Variants in TNS1 observed in about 807,000 individuals in gnomAD.
TNS1 encodes tensin-1.
Under a neutral mutation model 168.6 loss-of-function variants are expected in TNS1, and 62 were observed. That is an observed-to-expected ratio of 0.37 (90% CI 0.30 to 0.45). The LOEUF (loss-of-function observed/expected upper bound fraction) is 0.45, where lower values mean the gene tolerates loss of function less well. Ranked by LOEUF, TNS1 falls within the 20% of genes least tolerant of loss-of-function variation. TNS1 has a pLI of 1.00. For synonymous variants in TNS1, 934 were observed against 933.2 expected, an observed-to-expected ratio of 1.00 and a Z score of -0.02; for missense variants, 2,240 against 2,339.4, an observed-to-expected ratio of 0.96 and a Z score of 0.88.
In TNS1 at chr2:217,848,721, G is replaced by C. The variant is rs143281124; in HGVS notation, c.1796C>G (p.Pro599Arg). The stretch of plus-strand genomic sequence containing the variant: ...TGGGACAACGTGGCGTCCAGAGGAG[G>C]GCACAGCCGAGCCCCCTGCTGGGCG... The part of the protein sequence containing the change: ...RSRPAGGSAV[P>R]SSGRHVVPAQ... Residue 599 changes from proline to arginine, a missense_variant, in exon 19 of 33, where the codon CCC (proline) becomes CGC (arginine). Pro to Arg is a moderately radical substitution (Grantham distance 103, BLOSUM62 -2). Transcript: ENST00000682258. The C allele has an allele frequency of 1.2e-6, 2 of 1,614,216 alleles. 1 individual carries two copies. The highest frequency in any genetic ancestry group is 2.2e-5 in the South Asian group (2 of 91,090).
intron 3 of TNS1, among the ~76,000 whole-genome samples, chr2:217,951,508 A>G (rs546542740): frequency 6.6e-6 from 1 of 152,330 alleles, no homozygotes; most frequent in East Asian, 1.9e-4. Flanking sequence ...GTTCAGAGAC[A>G]TCAGCTATGT....
rs1941273429 is a variant in TNS1, at chr2:217,813,137, G to A, written c.4954+78C>T. The A allele has an allele frequency of 9.3e-7, 1 of 1,075,914 alleles. No homozygotes were observed. Among genetic ancestry groups the A allele is most frequent in the African/African-American group, 1.6e-5 (1 of 63,754 alleles). The allele number at this position is 1,075,914 out of a possible 1,614,324, so 66.6% of individuals were successfully genotyped here. A position where few individuals can be genotyped will look rare whatever the true frequency, so the allele number is the denominator to read the frequency against. On this transcript the variant is annotated intron_variant, in intron 27 of 32. Transcript: ENST00000682258. This position sits in a 1 kb window ranked among gnomAD's most constrained non-coding sequence, Gnocchi z 4.0. ...CAGAGCCTGTCAGAAAGAACTTGGG[G>A]TCAGACCCCTGGAGGAACCCAGGAC... is the stretch of plus-strand genomic sequence containing the variant.
chr2:217,809,404 G>C lies in TNS1; in HGVS notation c.5273+419C>G, dbSNP rs372612375. On this transcript the variant is annotated intron_variant, in intron 30 of 32. Coordinates refer to ENST00000682258, the MANE Select transcript of TNS1 (RefSeq NM_001387777.1). ...GGATGGATGGATGGATGGATGGATG[G>C]ATGGATGGATGCATGGATGGATGGA... 5.6e-3 allele frequency among the ~76,000 whole-genome samples: 346 copies of C among 61,682 alleles called. 15 individuals carry two copies. Among genetic ancestry groups the C allele is most frequent in the Middle Eastern group, 0.015 (1 of 66 alleles). The allele number at this position is 61,682 out of a possible 152,430, so 40.5% of individuals were successfully genotyped here. A position where few individuals can be genotyped will look rare whatever the true frequency, so the allele number is the denominator to read the frequency against.
intron 3 of TNS1, among the ~76,000 whole-genome samples, chr2:217,934,984 T>G (rs1956526780): frequency 6.6e-6 from 1 of 152,088 alleles, no homozygotes; most frequent in Non-Finnish European, 1.5e-5. Context: ...GCCCAAAAAG[T>G]GGAAGCAATT....
rs1227580088 is a variant in TNS1 at position 217,880,366 on chromosome 2, T to C, written c.1429+532A>G. Among the ~76,000 whole-genome samples, 1 of 152,224 alleles carries C rather than the reference T, an allele frequency of 6.6e-6. No homozygotes were observed. Among genetic ancestry groups the C allele is most frequent in the Non-Finnish European group, 1.5e-5 (1 of 68,040 alleles). ...TCAGTTTGTTCCCAGCTCTCAAACA[T>C]TTTTGTTGGCTGTTGATGAAAGCTT... On this transcript the variant is annotated intron_variant, in intron 18 of 32. Transcript: ENST00000682258. The surrounding 1 kb of genome is among the most constrained non-coding windows in gnomAD (Gnocchi z 4.2).
At chr2:217,961,388 C>T (rs1349633241) in intron 3 of TNS1, among the ~76,000 whole-genome samples, 1 of 152,116 alleles carries the variant, frequency 6.6e-6, no homozygotes, top group Non-Finnish European at 1.5e-5. Context: ...TTGGTCGGCA[C>T]CACCTTAGCC....
At chr2:217,860,622 C>G (rs1204398972) in intron 18 of TNS1, among the ~76,000 whole-genome samples, 2 of 152,140 alleles carry the variant, frequency 1.3e-5, no homozygotes, top group East Asian at 3.9e-4. Flanking sequence ...TTGCACGCAA[C>G]CTTCATGTTT....
At chr2:217,886,445 G>A in intron 13 of TNS1, 89 bp downstream of exon 13, 1 of 1,080,894 alleles carries the variant, frequency 9.3e-7, no homozygotes, top group Non-Finnish European at 1.4e-6. Flanking sequence ...CGGGCTGTCT[G>A]TTACTACCCA....
intron 4 of TNS1, among the ~76,000 whole-genome samples, chr2:217,912,410 G>A (rs957873002): frequency 1.3e-5 from 2 of 151,572 alleles, no homozygotes; most frequent in Admixed American, 6.6e-5. Flanking sequence ...CAACTCTCCC[G>A]ACTCTTGCCC....
In TNS1 at chr2:217,805,725, A is replaced by AT. The variant is rs1938831936; in HGVS notation, c.5376-1123_5376-1122insA. ...CACATGCATACACCACACACACACC[A>AT]CTGCACACACCACACATACCACCAC... On this transcript the variant is annotated intron_variant, in intron 32 of 32. Coordinates refer to ENST00000682258, the MANE Select transcript of TNS1 (RefSeq NM_001387777.1). Among the ~76,000 whole-genome samples, 3 of 73,522 alleles carry AT rather than the reference A, an allele frequency of 4.1e-5. No individual in the cohort carries two copies. In the Admixed American group the frequency reaches 4.1e-4, roughly 10 times the overall value. The allele number at this position is 73,522 out of a possible 152,430, so 48.2% of individuals were successfully genotyped here. A position where few individuals can be genotyped will look rare whatever the true frequency, so the allele number is the denominator to read the frequency against.
chr2:217,899,878 T>C (rs958752625), intron 7 of TNS1, among the ~76,000 whole-genome samples: 4 of 152,140 alleles, frequency 2.6e-5, no homozygotes, highest in African/African-American at 9.7e-5. Flanking sequence ...AGGGCTGGCA[T>C]CCCCAATCAT....
chr2:218,019,953 C>A (rs1288114024), intron 1 of TNS1, among the ~76,000 whole-genome samples: 1 of 152,100 alleles, frequency 6.6e-6, no homozygotes, highest in African/African-American at 2.4e-5. Flanking sequence ...CCGGCTGCAG[C>A]CTCCCCACTG....
intron 1 of TNS1, among the ~76,000 whole-genome samples, chr2:218,017,855 C>T (rs554965038): frequency 1.3e-5 from 2 of 152,306 alleles, no homozygotes; most frequent in African/African-American, 4.8e-5. Context: ...TGCACACTGC[C>T]CACCCCACAC....
At chr2:217,978,183 A>G (rs1241307034) in intron 3 of TNS1, among the ~76,000 whole-genome samples, 1 of 152,150 alleles carries the variant, frequency 6.6e-6, no homozygotes, top group Non-Finnish European at 1.5e-5. Flanking sequence ...CCAGCCAGAA[A>G]ATACTCATGG....
chr2:217,855,459 C>T (rs1948019670), intron 18 of TNS1, among the ~76,000 whole-genome samples: 1 of 152,206 alleles, frequency 6.6e-6, no homozygotes, highest in African/African-American at 2.4e-5. Context: ...CCCTTGTAGA[C>T]ATCTCTACTG....
intron 3 of TNS1, among the ~76,000 whole-genome samples, chr2:217,944,468 A>C (rs1019248470): frequency 6.6e-6 from 1 of 152,198 alleles, no homozygotes; most frequent in African/African-American, 2.4e-5. Context: ...GTTTGCTGAG[A>C]TGGTGATGAT....
chr2:217,961,957 A>G (rs1957506868), intron 3 of TNS1, among the ~76,000 whole-genome samples: 2 of 152,208 alleles, frequency 1.3e-5, no homozygotes, highest in African/African-American at 4.8e-5. Flanking sequence ...AAGAGCATAA[A>G]CTGAGGTTTC....
chr2:217,952,460 C>G (rs1957266049), intron 3 of TNS1, among the ~76,000 whole-genome samples: 1 of 151,968 alleles, frequency 6.6e-6, no homozygotes, highest in Non-Finnish European at 1.5e-5. Context: ...ACCGGTGACT[C>G]TCCCGCGCCA....
chr2:218,033,755 G>C lies in TNS1; in HGVS notation c.156+65C>G, dbSNP rs1205530041. On this transcript the variant is annotated intron_variant, in intron 1 of 1. Coordinates refer to the TNS1 transcript ENST00000649572. The surrounding 1 kb of genome is among the most constrained non-coding windows in gnomAD (Gnocchi z 4.3). ...CTACTTAACCTGTGTCAGGTGCCCT[G>C]GGCTCTGCCAACCGCCAGCTCCCGA... 6.6e-6 allele frequency among the ~76,000 whole-genome samples: 1 copy of C among 152,138 alleles called. No homozygotes were observed. Among genetic ancestry groups the C allele is most frequent in the Non-Finnish European group, 1.5e-5 (1 of 68,014 alleles).
Sources: allele counts gnomAD v4.1 joint callset (sites outside exome capture counted in the v4.1 genomes callset), GRCh38; gene constraint gnomAD v4.1.1; non-coding constraint Gnocchi (gnomAD v3.1); transcripts MANE v1.5; gene names NCBI Gene and HGNC (gene_info 2026-07-23, HGNC 2026-07-21).